Variants in SIPA1L3 observed in about 807,000 individuals in gnomAD.
SIPA1L3 encodes the protein signal-induced proliferation-associated 1-like protein 3.
In SIPA1L3, 59 loss-of-function variants were observed where a neutral mutation model predicts 150.1. That is an observed-to-expected ratio of 0.39 (90% confidence interval 0.32 to 0.49). The LOEUF (loss-of-function observed/expected upper bound fraction) is 0.49. SIPA1L3 is among the 20% of genes least tolerant of loss of function. The probability of loss-of-function intolerance (pLI) is 0.86; values close to 1 mark genes in which losing one functional copy is unlikely to be tolerated. For missense variants in SIPA1L3, 2,211 were observed against 2,489.5 expected (o/e 0.89, Z 2.38); for synonymous variants, 1,070 against 1,077.6 (o/e 0.99, Z 0.14).
intron 10 of SIPA1L3, among the ~76,000 whole-genome samples, chr19:38,136,206 A>AAAAAG: frequency 1.3e-5 from 2 of 149,204 alleles, no homozygotes; most frequent in Admixed American, 6.7e-5. Flanking sequence ...AAAAAAAAAA[A>AAAAAG]GAAGAATGCG....
intron 4 of SIPA1L3, among the ~76,000 whole-genome samples, chr19:38,095,143 A>G (rs900864276): frequency 6.6e-6 from 1 of 152,240 alleles, no homozygotes. Flanking sequence ...GGCTTTGTAC[A>G]TAAACATTTA....
chr19:38,059,275 A>G (rs569995808), intron 2 of SIPA1L3, among the ~76,000 whole-genome samples: 10 of 149,036 alleles, frequency 6.7e-5, no homozygotes, highest in Admixed American at 5.3e-4. Flanking sequence ...GGCTTGTATT[A>G]CAGGTGTGAG....
At chr19:38,139,470 C>G (rs1447015055) in intron 10 of SIPA1L3, among the ~76,000 whole-genome samples, 1 of 152,084 alleles carries the variant, frequency 6.6e-6, no homozygotes, top group East Asian at 1.9e-4. Context: ...AGTGATAGTA[C>G]CTTTCCCCAC....
intron 1 of SIPA1L3, among the ~76,000 whole-genome samples, chr19:37,947,695 G>A (rs997910328): frequency 1.3e-5 from 2 of 152,150 alleles, no homozygotes; most frequent in Non-Finnish European, 2.9e-5. Context: ...CAAGAAAACC[G>A]AAGCACAAAG....
At chr19:37,941,087 TACACAC>T (rs59368800) in intron 1 of SIPA1L3, among the ~76,000 whole-genome samples, 9,293 of 128,632 alleles carry the variant, frequency 0.072, 363 homozygotes, top group Non-Finnish European at 0.097. Context: ...CACACACACA[TACACAC>T]ACACACACAC....
At chr19:37,978,969 C>T (rs1332595533) in intron 1 of SIPA1L3, among the ~76,000 whole-genome samples, 1 of 152,022 alleles carries the variant, frequency 6.6e-6, no homozygotes, top group East Asian at 1.9e-4. Context: ...GAGACCCCGT[C>T]TCAAAAACAA....
chr19:38,204,591 C>T (rs1203575063), intron 21 of SIPA1L3, among the ~76,000 whole-genome samples: 1 of 152,052 alleles, frequency 6.6e-6, no homozygotes, highest in East Asian at 1.9e-4. Flanking sequence ...TGGTGAAACC[C>T]CATCTCTATT....
chr19:38,121,134 GA>G (rs1971007283), intron 9 of SIPA1L3, among the ~76,000 whole-genome samples: 1 of 151,976 alleles, frequency 6.6e-6, no homozygotes, highest in Admixed American at 6.6e-5. Flanking sequence ...TTGAGCCCAG[GA>G]GTTTGAGACC....
rs10644508 is a variant in SIPA1L3 at position 37,919,705 on chromosome 19, C to CTTTTT, written c.-379+12365_-379+12369dup. Among the ~76,000 whole-genome samples the CTTTTT allele has an allele frequency of 2.8e-3, 233 of 84,226 alleles. 9 individuals are homozygous for CTTTTT. The highest frequency in any genetic ancestry group is 0.011 in the African/African-American group (213 of 20,004). 55.3% of individuals were successfully genotyped at this position (84,226 alleles called of 152,430 possible). A position where few individuals can be genotyped will look rare whatever the true frequency, so the allele number is the denominator to read the frequency against. ...TCCCAGGCCCCTTTGGGCCCTGAGG[C>CTTTTT]TTTTTTTTTTTTTTTTTTTTTTGAG... is the stretch of plus-strand genomic sequence containing the variant. On this transcript the variant is annotated intron_variant, in intron 1 of 21. Transcript: ENST00000222345.
At position 38,079,167 on chromosome 19, in the gene SIPA1L3, C is replaced by T. The variant is rs373921654; in HGVS notation, c.-310-2089C>T. ...CTAACACGGTGAAACCCTGTCTCTA[C>T]TAAAAATACAAAAAAATTAGCCAGG... On this transcript the variant is annotated intron_variant, in intron 2 of 21. Transcript: ENST00000222345. Among the ~76,000 whole-genome samples the T allele has an allele frequency of 7.8e-4, 119 of 152,278 alleles. 3 individuals are homozygous for T. In the East Asian group the frequency reaches 0.017, roughly 22 times the overall value.
At chr19:38,012,878 C>T (rs558937950) in intron 1 of SIPA1L3, among the ~76,000 whole-genome samples, 17 of 152,242 alleles carry the variant, frequency 1.1e-4, no homozygotes, top group South Asian at 4.2e-4. Flanking sequence ...AGGAAGTAAA[C>T]GAGAGGCCTC....
At chr19:38,058,505 G>T (rs1044733240) in intron 2 of SIPA1L3, among the ~76,000 whole-genome samples, 1 of 152,084 alleles carries the variant, frequency 6.6e-6, no homozygotes, top group Admixed American at 6.5e-5. Context: ...CTCTGTGAGG[G>T]TGCCCCGCTC....
intron 15 of SIPA1L3, among the ~76,000 whole-genome samples, chr19:38,168,883 C>T (rs1200000044): frequency 1.3e-5 from 2 of 152,182 alleles, no homozygotes; most frequent in African/African-American, 2.4e-5. Flanking sequence ...CTGAAGTTTT[C>T]TCCTAGGCAA....
chr19:37,959,772 T>G (rs1599842178), intron 1 of SIPA1L3, among the ~76,000 whole-genome samples: 1 of 152,144 alleles, frequency 6.6e-6, no homozygotes, highest in African/African-American at 2.4e-5. Context: ...TAAGCAGATA[T>G]TTTCTAGTGT....
chr19:37,990,461 C>T (rs754929002), intron 1 of SIPA1L3, among the ~76,000 whole-genome samples: 13 of 152,182 alleles, frequency 8.5e-5, no homozygotes, highest in Non-Finnish European at 1.5e-4. Context: ...AAGCCAGGTC[C>T]GATGGGATCT....
At chr19:37,919,806 G>A (rs890039781) in intron 1 of SIPA1L3, among the ~76,000 whole-genome samples, 1 of 150,776 alleles carries the variant, frequency 6.6e-6, no homozygotes, top group Non-Finnish European at 1.5e-5. Context: ...TGCCTCCCGG[G>A]TTCAAGCAAT....
chr19:38,013,340 A>C (rs1478414871), intron 1 of SIPA1L3, among the ~76,000 whole-genome samples: 1 of 152,210 alleles, frequency 6.6e-6, no homozygotes, highest in East Asian at 1.9e-4. Flanking sequence ...AATGAGCTCA[A>C]CTGAGTACCC....
Position 38,119,382 on chromosome 19 carries a change from G to C in SIPA1L3, c.2368G>C (p.Asp790His), listed in dbSNP as rs769466798. The stretch of plus-strand genomic sequence containing the variant: ...CAGTGGAACCACATTCCGCAAATCC[G>C]ACGTCTTCAGAGACTTCTTGCTGGC... ...IPSGTTFRKS[D>H]VFRDFLLAKV... The change falls in exon 9 of 22, where the codon GAC becomes CAC. Residue 790 changes from aspartate (D) to histidine (H), a missense_variant. Physicochemically the swap from Asp to His is moderately conservative, Grantham distance 81. Around this residue, in one of 5 missense-constraint regions of SIPA1L3, gnomAD observed 625 missense variants for 804.2 expected, o/e 0.78. Coordinates refer to ENST00000222345, the MANE Select transcript of SIPA1L3 (RefSeq NM_015073.3). The C allele has an allele frequency of 6.2e-7, 1 of 1,614,060 alleles. No homozygotes were observed. Among genetic ancestry groups the C allele is most frequent in the South Asian group, 1.1e-5 (1 of 91,074 alleles).
At chr19:38,102,871 T>C (rs373067472) in intron 6 of SIPA1L3, among the ~76,000 whole-genome samples, 1 of 152,058 alleles carries the variant, frequency 6.6e-6, no homozygotes, top group South Asian at 2.1e-4. Flanking sequence ...ATGCCTGTAA[T>C]CCCAGCACTT....
Sources: allele counts gnomAD v4.1 joint callset (sites outside exome capture counted in the v4.1 genomes callset), GRCh38; gene constraint gnomAD v4.1.1; regional missense constraint gnomAD v4.1.1; transcripts MANE v1.5; gene names NCBI Gene and HGNC (gene_info 2026-07-23, HGNC 2026-07-21).